The following MYEOV variants were observed in gnomAD, a reference collection of about 807,000 sequenced individuals.
The protein encoded by MYEOV is myeloma-overexpressed gene protein.
A neutral mutation model predicts 4.5 loss-of-function variants in MYEOV; 4 were observed. The observed-to-expected ratio is 0.89, with a 90% CI of 0.44 to 2.03. The LOEUF is 2.03. Ranked by LOEUF, MYEOV falls within the 30% of genes most tolerant of loss-of-function variation. The pLI, the probability that MYEOV is intolerant of heterozygous loss-of-function variation, is 0.03. For synonymous variants in MYEOV, 184 were observed against 170.3 expected (o/e 1.08, Z -0.63); for missense variants, 408 against 412.8 (o/e 0.99, Z 0.10).
rs761184693 is a variant in MYEOV, at chr11:69,296,284, G to T, written c.834G>T (p.Arg278Ser). The T allele has an allele frequency of 2.7e-5, 42 of 1,564,606 alleles. No individual in the cohort carries two copies. The Middle Eastern group carries it at 1.0e-3, about 38-fold the overall frequency. ...GGGGGTGGCGCATGGGAGTTAGGAGGACTGGCCAGGTGGGGCCCACTATGC... is the reference window on the plus strand; with the variant it reads ...GGGGGTGGCGCATGGGAGTTAGGAGTACTGGCCAGGTGGGGCCCACTATGC... The part of the protein sequence containing the change: ...ALGGWRMGVR[R>S]TGQVGPTMHP... The change falls in exon 3 of 3, where the codon AGG (arginine) becomes AGT (serine). Residue 278 changes from arginine (R) to serine (S), a missense_variant. Arg to Ser is a moderately radical substitution (Grantham distance 110, BLOSUM62 -1). Transcript: ENST00000441339.
Position 69,295,707 on chromosome 11 carries a change from T to C in MYEOV, c.257T>C (p.Leu86Pro), listed in dbSNP as rs1377610608. ...SRGRLCLSQA[L>P]RVAVRGAFVS... The stretch of plus-strand genomic sequence containing the variant: ...GGCCGCCTCTGTCTCTCCCAGGCCC[T>C]GCGTGTTGCGGTGAGAGGAGCATTT... The change falls in exon 3 of 3, where the codon CTG (leucine) becomes CCG (proline). Residue 86 changes from leucine to proline, a missense_variant. Leu to Pro is a moderately conservative substitution (Grantham distance 98, BLOSUM62 -3). Coordinates refer to ENST00000441339, the MANE Select transcript of MYEOV (RefSeq NM_001293291.2). The surrounding 1 kb of genome is among the most constrained non-coding windows in gnomAD (Gnocchi z 4.1). The C allele has an allele frequency of 6.2e-7, 1 of 1,614,016 alleles. No individual in the cohort carries two copies. The highest frequency in any genetic ancestry group is 1.1e-5 in the South Asian group (1 of 91,052).
rs776120285 is a variant in MYEOV at position 69,295,668 on chromosome 11, C to T, written c.218C>T (p.Ala73Val). ...GGACACTTCGTGGAGGGCTCCAAAG[C>T]CGGCAGATCCCGGGGCCGCCTCTGT... ...QAGHFVEGSK[A>V]GRSRGRLCLS... Residue 73 changes from alanine (A) to valine (V), a missense_variant, in exon 3 of 3, where the codon GCC (alanine) becomes GTC (valine). Transcript: ENST00000441339. This position sits in a 1 kb window ranked among gnomAD's most constrained non-coding sequence, Gnocchi z 4.1. The T allele has an allele frequency of 4.3e-6, 7 of 1,613,988 alleles. No individual in the cohort carries two copies. The highest frequency in any genetic ancestry group is 2.2e-5 in the East Asian group (1 of 44,882).
At position 69,295,449 on chromosome 11, in the gene MYEOV, G is replaced by A. The variant is rs189495990; in HGVS notation, c.95G>A (p.Cys32Tyr). ...TGCCTGGAACAGTCTCCCTCCTGGT[G>A]TCATTGTCTCCGTGGTGTGTCCTTC... ...CLCLEQSPSW[C>Y]HCLRGVSFLT... Residue 32 changes from cysteine to tyrosine, a missense_variant, in exon 2 of 3, where the codon TGT (cysteine) becomes TAT (tyrosine). Cys to Tyr is a radical substitution (Grantham distance 194). Transcript: ENST00000441339. The surrounding 1 kb of genome is among the most constrained non-coding windows in gnomAD (Gnocchi z 4.1). 3.1e-6 allele frequency: 5 copies of A among 1,614,160 alleles called. No individual in the cohort carries two copies. The Admixed American group carries it at 8.3e-5, about 27-fold the overall frequency.
At position 69,294,492 on chromosome 11, in the gene MYEOV, A is replaced by G. The variant is rs11228608; in HGVS notation, c.-207A>G. ...GCTGAGCTCTGTGTGATTTCTGGAC[A>G]CTTCTGCTCGTTGCCTTTGGGCTCA... On this transcript the variant is annotated 5_prime_UTR_variant, in exon 1 of 3. Coordinates refer to ENST00000441339, the MANE Select transcript of MYEOV (RefSeq NM_001293291.2). 49,606 of 152,002 alleles carry G rather than the reference A, an allele frequency of 0.33. 11,417 individuals carry two copies. Among genetic ancestry groups the G allele is most frequent in the African/African-American group, 0.65 (26,806 of 41,394 alleles). 9.4% of individuals were successfully genotyped at this position (152,002 alleles called of 1,614,324 possible).
rs1342929838 is a variant in MYEOV, at chr11:69,294,579, A to G, written c.-123+3A>G. ...GGTTCTTGGTGGGATCTGAGCAGGT[A>G]AGAAGCAGGGTCTTTCTTATGTTTT... On this transcript the variant is annotated splice_donor_region_variant and intron_variant, in intron 1 of 2. Coordinates refer to ENST00000441339, the MANE Select transcript of MYEOV (RefSeq NM_001293291.2). 6.6e-6 allele frequency: 1 copy of G among 152,404 alleles called. No individual in the cohort carries two copies. The highest frequency in any genetic ancestry group is 1.5e-5 in the Non-Finnish European group (1 of 68,194). The allele number at this position is 152,404 out of a possible 1,614,324, so 9.4% of individuals were successfully genotyped here. A position where few individuals can be genotyped will look rare whatever the true frequency, so the allele number is the denominator to read the frequency against.
chr11:69,295,223 T>C lies in MYEOV; in HGVS notation c.-122-10T>C. On this transcript the variant is annotated splice_polypyrimidine_tract_variant and intron_variant, in intron 1 of 2. Transcript: ENST00000441339. This position sits in a 1 kb window ranked among gnomAD's most constrained non-coding sequence, Gnocchi z 4.1. ...TGGATTACGGATGGTAGTATCTTCC[T>C]TCTCCTCAGAGTCCATTCAGGAGCA... The C allele has an allele frequency of 7.2e-7, 1 of 1,382,522 alleles. No individual in the cohort carries two copies. The highest frequency in any genetic ancestry group is 9.6e-7 in the Non-Finnish European group (1 of 1,038,682). The allele number at this position is 1,382,522 out of a possible 1,614,324, so 85.6% of individuals were successfully genotyped here.
At position 69,295,273 on chromosome 11, in the gene MYEOV, T is replaced by C; in HGVS notation, c.-82T>C. ...AGGAAAGTTCATCTCAGACCCTAAATCCAGCCACGTCATGCCACGCTTAAC... is the reference window on the plus strand; with the variant it reads ...AGGAAAGTTCATCTCAGACCCTAAACCCAGCCACGTCATGCCACGCTTAAC... On this transcript the variant is annotated 5_prime_UTR_variant, in exon 2 of 3. Transcript: ENST00000441339. This position sits in a 1 kb window ranked among gnomAD's most constrained non-coding sequence, Gnocchi z 4.1. The C allele has an allele frequency of 6.6e-7, 1 of 1,515,262 alleles. No individual in the cohort carries two copies. Among genetic ancestry groups the C allele is most frequent in the Non-Finnish European group, 8.9e-7 (1 of 1,128,644 alleles). 93.9% of individuals were successfully genotyped at this position (1,515,262 alleles called of 1,614,324 possible). A position where few individuals can be genotyped will look rare whatever the true frequency, so the allele number is the denominator to read the frequency against.
Position 69,296,508 on chromosome 11 carries a change from G to C in MYEOV, c.*116G>C, listed in dbSNP as rs1374171263. ...ACAGATGAGGAAACTGAGGCCTAGAGAAGCTCAACAAGTTGCCTAAGTTCC... is the reference window on the plus strand; with the variant it reads ...ACAGATGAGGAAACTGAGGCCTAGACAAGCTCAACAAGTTGCCTAAGTTCC... On this transcript the variant is annotated 3_prime_UTR_variant, in exon 3 of 3. Coordinates refer to ENST00000441339, the MANE Select transcript of MYEOV (RefSeq NM_001293291.2). The C allele has an allele frequency of 5.8e-6, 4 of 689,224 alleles. No homozygotes were observed. The South Asian group carries it at 1.0e-4, about 18-fold the overall frequency. The allele number at this position is 689,224 out of a possible 1,614,324, so 42.7% of individuals were successfully genotyped here.
In MYEOV at chr11:69,294,438, G is replaced by C. The variant is rs1855122320; in HGVS notation, c.-261G>C. 2 of 152,392 alleles carry C rather than the reference G, an allele frequency of 1.3e-5. No homozygotes were observed. Among genetic ancestry groups the C allele is most frequent in the Admixed American group, 1.3e-4 (2 of 15,286 alleles). 9.4% of individuals were successfully genotyped at this position (152,392 alleles called of 1,614,324 possible). A position where few individuals can be genotyped will look rare whatever the true frequency, so the allele number is the denominator to read the frequency against. Reference sequence around the variant, plus strand: ...CAGGGATGGCCTGTTCAGCTGCTGGGTGACTCGGGTCCAGGTGCCTCACCA... The same window carrying C: ...CAGGGATGGCCTGTTCAGCTGCTGGCTGACTCGGGTCCAGGTGCCTCACCA... On this transcript the variant is annotated 5_prime_UTR_variant, in exon 1 of 3. Coordinates refer to ENST00000441339, the MANE Select transcript of MYEOV (RefSeq NM_001293291.2).
intron 1 of MYEOV, among the ~76,000 whole-genome samples, chr11:69,294,799 G>T (rs888848168): frequency 3.9e-5 from 6 of 152,164 alleles, no homozygotes; most frequent in Admixed American, 1.3e-4. Flanking sequence ...AGCTGCCCAG[G>T]TCCCCTCTGG....
Position 69,296,157 on chromosome 11 carries a change from G to A in MYEOV, c.707G>A (p.Cys236Tyr). The change falls in exon 3 of 3, where the codon TGC becomes TAC. Residue 236 changes from cysteine to tyrosine, a missense_variant. By Grantham distance (194) the Cys-to-Tyr change is radical (BLOSUM62 -2). Coordinates refer to ENST00000441339, the MANE Select transcript of MYEOV (RefSeq NM_001293291.2). ...GACTATGAAAGGGGAAGAAGAGCAT[G>A]CCTGACCCTCCACCGGCACCCCACC... ...CPDYERGRRACLTLHRHPTPH... is the reference protein window; with the variant it reads ...CPDYERGRRAYLTLHRHPTPH... 1 of 1,614,098 alleles carries A rather than the reference G, an allele frequency of 6.2e-7. No homozygotes were observed. The highest frequency in any genetic ancestry group is 8.5e-7 in the Non-Finnish European group (1 of 1,180,004).
chr11:69,296,422 G>A lies in MYEOV; in HGVS notation c.*30G>A. 7.5e-7 allele frequency: 1 copy of A among 1,333,912 alleles called. No homozygotes were observed. 82.6% of individuals were successfully genotyped at this position (1,333,912 alleles called of 1,614,324 possible). A position where few individuals can be genotyped will look rare whatever the true frequency, so the allele number is the denominator to read the frequency against. The stretch of plus-strand genomic sequence containing the variant: ...GTCCTGTGTGCCAAGTGGTTTATAT[G>A]CCCAGCCTCATTTAATCCTCAGAAT... On this transcript the variant is annotated 3_prime_UTR_variant, in exon 3 of 3. Coordinates refer to ENST00000441339, the MANE Select transcript of MYEOV (RefSeq NM_001293291.2).
chr11:69,295,845 G>T lies in MYEOV; in HGVS notation c.395G>T (p.Arg132Leu), dbSNP rs758378495. The change falls in exon 3 of 3, where the codon CGG becomes CTG. Residue 132 changes from arginine (R) to leucine (L), a missense_variant. By Grantham distance (102) the Arg-to-Leu change is moderately radical. Coordinates refer to ENST00000441339, the MANE Select transcript of MYEOV (RefSeq NM_001293291.2). This position sits in a 1 kb window ranked among gnomAD's most constrained non-coding sequence, Gnocchi z 4.1. Reference protein sequence around the residue: ...SQEAEDVDVSRARRVTDAPQG... With the variant: ...SQEAEDVDVSLARRVTDAPQG... ...GAGGCAGAAGACGTGGACGTGTCCC[G>T]GGCCAGGAGGGTCACAGATGCACCA... is the stretch of plus-strand genomic sequence containing the variant. The T allele has an allele frequency of 6.2e-7, 1 of 1,614,158 alleles. No individual in the cohort carries two copies. Among genetic ancestry groups the T allele is most frequent in the Non-Finnish European group, 8.5e-7 (1 of 1,180,028 alleles).
At position 69,296,453 on chromosome 11, in the gene MYEOV, C is replaced by CCCTGGAGACATTGTGCA; in HGVS notation, c.*61_*62insCCTGGAGACATTGTGCA. On this transcript the variant is annotated 3_prime_UTR_variant, in exon 3 of 3. Transcript: ENST00000441339. ...CCTCATTTAATCCTCAGAATGACTC[C>CCCTGGAGACATTGTGCA]ATGAGGTAGCTACTAAAACCCCCCA... is the stretch of plus-strand genomic sequence containing the variant. 9.0e-7 allele frequency: 1 copy of CCCTGGAGACATTGTGCA among 1,105,740 alleles called. No individual in the cohort carries two copies. Among genetic ancestry groups the CCCTGGAGACATTGTGCA allele is most frequent in the Non-Finnish European group, 1.3e-6 (1 of 794,286 alleles). 68.5% of individuals were successfully genotyped at this position (1,105,740 alleles called of 1,614,324 possible). A position where few individuals can be genotyped will look rare whatever the true frequency, so the allele number is the denominator to read the frequency against.
Position 69,296,451 on chromosome 11 carries a change from T to C in MYEOV, c.*59T>C, listed in dbSNP as rs746161790. 2.5e-5 allele frequency: 28 copies of C among 1,129,308 alleles called. No individual in the cohort carries two copies. The highest frequency in any genetic ancestry group is 3.3e-5 in the Non-Finnish European group (27 of 815,332). The allele number at this position is 1,129,308 out of a possible 1,614,324, so 70.0% of individuals were successfully genotyped here. A position where few individuals can be genotyped will look rare whatever the true frequency, so the allele number is the denominator to read the frequency against. On this transcript the variant is annotated 3_prime_UTR_variant, in exon 3 of 3. Transcript: ENST00000441339. ...AGCCTCATTTAATCCTCAGAATGAC[T>C]CCATGAGGTAGCTACTAAAACCCCC... is the stretch of plus-strand genomic sequence containing the variant.
Position 69,294,180 on chromosome 11 carries a change from C to T in MYEOV, c.-519C>T, listed in dbSNP as rs1370548528. On this transcript the variant is annotated 5_prime_UTR_variant, in exon 1 of 3. Coordinates refer to ENST00000441339, the MANE Select transcript of MYEOV (RefSeq NM_001293291.2). ...GTTACTGTCCCGCGAACCCACATCC[C>T]TACAAAGCAGGAAAGTATGCTTGGG... 1 of 133,940 alleles carries T rather than the reference C, an allele frequency of 7.5e-6. No individual in the cohort carries two copies. The highest frequency in any genetic ancestry group is 1.6e-5 in the Non-Finnish European group (1 of 61,860). The allele number at this position is 133,940 out of a possible 1,614,324, so 8.3% of individuals were successfully genotyped here. A position where few individuals can be genotyped will look rare whatever the true frequency, so the allele number is the denominator to read the frequency against.
rs1565150648 is a variant in MYEOV, at chr11:69,295,598, C to G, written c.148C>G (p.Pro50Ala). ...TCGGTTTTCTTGTCTGTAGTCTGTC[C>G]CCCTTGGGGACAGGGACTCGTTGCT... ...FLTFHLHQSV[P>A]LGDRDSLLMF... Residue 50 changes from proline (P) to alanine (A), a missense_variant, in exon 3 of 3, where the codon CCC becomes GCC. Physicochemically the swap from Pro to Ala is conservative, Grantham distance 27. Coordinates refer to ENST00000441339, the MANE Select transcript of MYEOV (RefSeq NM_001293291.2). The surrounding 1 kb of genome is among the most constrained non-coding windows in gnomAD (Gnocchi z 4.1). 1.2e-6 allele frequency: 2 copies of G among 1,612,842 alleles called. No individual in the cohort carries two copies. The highest frequency in any genetic ancestry group is 1.7e-6 in the Non-Finnish European group (2 of 1,179,332).
At position 69,295,570 on chromosome 11, in the gene MYEOV, T is replaced by C. The variant is rs759927054; in HGVS notation, c.142-22T>C. 1.2e-6 allele frequency: 2 copies of C among 1,611,958 alleles called. No individual in the cohort carries two copies. The highest frequency in any genetic ancestry group is 1.7e-6 in the Non-Finnish European group (2 of 1,178,812). On this transcript the variant is annotated intron_variant, in intron 2 of 2. Coordinates refer to ENST00000441339, the MANE Select transcript of MYEOV (RefSeq NM_001293291.2). This position sits in a 1 kb window ranked among gnomAD's most constrained non-coding sequence, Gnocchi z 4.1. Reference sequence around the variant, plus strand: ...TGCCACCTGCTGATGTCTGATTTATTCATCGGTTTTCTTGTCTGTAGTCTG... The same window carrying C: ...TGCCACCTGCTGATGTCTGATTTATCCATCGGTTTTCTTGTCTGTAGTCTG...
In MYEOV at chr11:69,295,825, A is replaced by G. The variant is rs1855170230; in HGVS notation, c.375A>G (p.Ala125=). Residue 125 remains alanine, a synonymous_variant, in exon 3 of 3, where the codon GCA becomes GCG. Transcript: ENST00000441339. This position sits in a 1 kb window ranked among gnomAD's most constrained non-coding sequence, Gnocchi z 4.1. ...CAGGTGCGGGGCTCAGCCAGGAGGC[A>G]GAAGACGTGGACGTGTCCCGGGCCA... ...AQTGAGLSQE[A]EDVDVSRARR... 6.2e-7 allele frequency: 1 copy of G among 1,614,198 alleles called. No individual in the cohort carries two copies. Among genetic ancestry groups the G allele is most frequent in the Non-Finnish European group, 8.5e-7 (1 of 1,180,040 alleles).
Sources: allele counts gnomAD v4.1 joint callset (sites outside exome capture counted in the v4.1 genomes callset), GRCh38; gene constraint gnomAD v4.1.1; non-coding constraint Gnocchi (gnomAD v3.1); transcripts MANE v1.5; gene names NCBI Gene and HGNC (gene_info 2026-07-23, HGNC 2026-07-21).